The following UGT1A4 variants were observed in gnomAD, a reference collection of about 807,000 sequenced individuals.
UGT1A4 encodes the protein UDP glucuronosyltransferase family 1 member A4, also known as UDP-glucuronosyltransferase 1A4.
UGT1A4 carries 32 observed loss-of-function variants against 41.1 expected under a neutral mutation model. That is an observed-to-expected ratio of 0.78 (90% confidence interval 0.59 to 1.05). The LOEUF is 1.05. Among genes scored for constraint, UGT1A4 ranks in the 50% least tolerant of loss-of-function variants. The pLI is 0.00. For synonymous variants in UGT1A4, 283 were observed against 265.1 expected (o/e 1.07, Z -0.66); for missense variants, 748 against 677.4 (o/e 1.10, Z -1.16).
chr2:233,772,294 T>G lies in UGT1A4; in HGVS notation c.1340T>G (p.Leu447Arg). 6.2e-7 allele frequency: 1 copy of G among 1,614,228 alleles called. No individual in the cohort carries two copies. The highest frequency in any genetic ancestry group is 8.5e-7 in the Non-Finnish European group (1 of 1,180,042). The change falls in exon 5 of 5, where the codon CTT (leucine) becomes CGT (arginine). Residue 447 changes from leucine (L) to arginine (R), a missense_variant. By Grantham distance (102) the Leu-to-Arg change is moderately radical. Coordinates refer to ENST00000373409, the MANE Select transcript of UGT1A4 (RefSeq NM_007120.3). Reference protein sequence around the residue: ...YKENIMRLSSLHKDRPVEPLD... With the variant: ...YKENIMRLSSRHKDRPVEPLD... ...GAGAACATCATGCGCCTCTCCAGCC[T>G]TCACAAGGACCGCCCGGTGGAGCCG...
rs1482422312 is a variant in UGT1A4, at chr2:233,772,303, A to G, written c.1349A>G (p.Asp450Gly). 3 of 1,614,112 alleles carry G rather than the reference A, an allele frequency of 1.9e-6. No individual in the cohort carries two copies. Among genetic ancestry groups the G allele is most frequent in the Non-Finnish European group, 2.5e-6 (3 of 1,180,052 alleles). The change falls in exon 5 of 5, where the codon GAC becomes GGC. Residue 450 changes from aspartate to glycine, a missense_variant. Transcript: ENST00000373409. Reference sequence around the variant, plus strand: ...ATGCGCCTCTCCAGCCTTCACAAGGACCGCCCGGTGGAGCCGCTGGACCTG... The same window carrying G: ...ATGCGCCTCTCCAGCCTTCACAAGGGCCGCCCGGTGGAGCCGCTGGACCTG... ...NIMRLSSLHK[D>G]RPVEPLDLAV...
intron 1 of UGT1A4, among the ~76,000 whole-genome samples, chr2:233,726,081 A>G (rs1169774855): frequency 6.6e-6 from 1 of 152,170 alleles, no homozygotes; most frequent in Non-Finnish European, 1.5e-5. Flanking sequence ...CAGGAGGATT[A>G]CTTGATCCGA....
chr2:233,763,863 G>A (rs1486150283), intron 1 of UGT1A4, among the ~76,000 whole-genome samples: 2 of 152,132 alleles, frequency 1.3e-5, no homozygotes, highest in Non-Finnish European at 1.5e-5. Flanking sequence ...ACAGACAATC[G>A]CAATGCTGGG....
Position 233,720,632 on chromosome 2 carries a change from G to A in UGT1A4, c.867+945G>A, listed in dbSNP as rs527749966. 4.6e-5 allele frequency among the ~76,000 whole-genome samples: 7 copies of A among 151,594 alleles called. No homozygotes were observed. In the South Asian group the frequency reaches 1.3e-3, roughly 27 times the overall value. ...AGAATATTTGGGTTTCATTGAAATA[G>A]TACTCTGGGATGTGAAAAACCAAAT... On this transcript the variant is annotated intron_variant, in intron 1 of 4. Coordinates refer to ENST00000373409, the MANE Select transcript of UGT1A4 (RefSeq NM_007120.3).
Position 233,767,180 on chromosome 2 carries a change from T to C in UGT1A4, c.999+15T>C, listed in dbSNP as rs4148327. 1,996 of 1,614,008 alleles carry C rather than the reference T, an allele frequency of 1.2e-3. 35 individuals are homozygous for C. In the East Asian group the frequency reaches 0.04, roughly 32 times the overall value. On this transcript the variant is annotated intron_variant, in intron 2 of 4. Transcript: ENST00000373409. Reference sequence around the variant, plus strand: ...TCCCTCAGACAGTAAGAAGATTCTATACCATGGCCTCATATCTATTTTCAC... The same window carrying C: ...TCCCTCAGACAGTAAGAAGATTCTACACCATGGCCTCATATCTATTTTCAC...
chr2:233,735,509 C>A lies in UGT1A4; in HGVS notation c.867+15822C>A, dbSNP rs185084136. Among the ~76,000 whole-genome samples the A allele has an allele frequency of 5.3e-4, 81 of 152,270 alleles. No homozygotes were observed. The East Asian group carries it at 0.013, about 24-fold the overall frequency. On this transcript the variant is annotated intron_variant, in intron 1 of 4. Coordinates refer to ENST00000373409, the MANE Select transcript of UGT1A4 (RefSeq NM_007120.3). ...TTAATTGCAGCATTTAGCCCATTTA[C>A]ATTTAAGGTAAATATTGTTATGAGT...
At position 233,767,893 on chromosome 2, in the gene UGT1A4, CA is replaced by C. The variant is rs745655794; in HGVS notation, c.1046del (p.Asn349ThrfsTer18). ...TGTRPSNLAN[N>X]TILVKWLPQN... ...GAACCCGACCATCGAATCTTGCGAA[CA>C]ACACGATACTTGTTAAGTGGCTACC... On this transcript the variant is annotated frameshift_variant, in exon 3 of 5. Coordinates refer to ENST00000373409, the MANE Select transcript of UGT1A4 (RefSeq NM_007120.3). LOFTEE classifies it high-confidence loss of function. The C allele has an allele frequency of 3.1e-6, 5 of 1,614,158 alleles. No individual in the cohort carries two copies. In the South Asian group the frequency reaches 5.5e-5, roughly 18 times the overall value.
At chr2:233,743,042 G>A (rs554129345) in intron 1 of UGT1A4, 2 of 311,812 alleles carry the variant, frequency 6.4e-6, no homozygotes, top group East Asian at 8.2e-5. Flanking sequence ...GGTCCTATCC[G>A]TGTAGTCCCA....
chr2:233,754,887 T>G (rs1212362818), intron 1 of UGT1A4: 2 of 1,351,202 alleles, frequency 1.5e-6, no homozygotes, highest in Non-Finnish European at 2.0e-6. Flanking sequence ...TCCCAGGGAG[T>G]TCCTCTGACC....
chr2:233,735,492 A>G (rs997363481), intron 1 of UGT1A4, among the ~76,000 whole-genome samples: 3 of 152,118 alleles, frequency 2.0e-5, no homozygotes, highest in African/African-American at 7.2e-5. Flanking sequence ...TTTTAATTGC[A>G]GCATTTAGCC....
intron 4 of UGT1A4, chr2:233,770,700 A>G (rs1353912546): frequency 1.3e-5 from 2 of 152,056 alleles, no homozygotes; most frequent in African/African-American, 4.8e-5. Flanking sequence ...AATTCATCTT[A>G]AGGTTTATGT....
chr2:233,725,053 G>A (rs551262473), intron 1 of UGT1A4, among the ~76,000 whole-genome samples: 1,532 of 147,698 alleles, frequency 0.01, 141 homozygotes, highest in African/African-American at 0.035. Flanking sequence ...CAGGCGTGGC[G>A]GCGCGCGCCT....
intron 1 of UGT1A4, chr2:233,755,013 G>A (rs1255177181): frequency 7.7e-7 from 1 of 1,294,530 alleles, no homozygotes; most frequent in Admixed American, 1.9e-5. Flanking sequence ...CTACTCGAAG[G>A]GGTCCTTGAA....
chr2:233,743,017 T>C (rs1054805), intron 1 of UGT1A4: 1 of 239,620 alleles, frequency 4.2e-6, no homozygotes, highest in Non-Finnish European at 8.3e-6. Flanking sequence ...TTACAACGAT[T>C]GAAAGACAAA....
chr2:233,737,998 C>A (rs1690658355), intron 1 of UGT1A4, among the ~76,000 whole-genome samples: 1 of 152,106 alleles, frequency 6.6e-6, no homozygotes, highest in South Asian at 2.1e-4. Context: ...GTGTCCCCCA[C>A]CAAATCTCAT....
At chr2:233,747,365 C>A (rs954513567) in intron 1 of UGT1A4, 2 of 1,604,254 alleles carry the variant, frequency 1.2e-6, no homozygotes, top group East Asian at 4.5e-5. Context: ...TGCGGGAGCT[C>A]CATGCCAGAG....
intron 1 of UGT1A4, among the ~76,000 whole-genome samples, chr2:233,727,549 C>T (rs1232390825): frequency 6.6e-6 from 1 of 152,198 alleles, no homozygotes; most frequent in Non-Finnish European, 1.5e-5. Context: ...CACCCGTCAC[C>T]TGGGCTCATC....
At chr2:233,730,783 G>A (rs968780327) in intron 1 of UGT1A4, among the ~76,000 whole-genome samples, 1 of 152,100 alleles carries the variant, frequency 6.6e-6, no homozygotes, top group Non-Finnish European at 1.5e-5. Flanking sequence ...AGTGAAGCTG[G>A]GGACAGTGAT....
chr2:233,743,543 C>A (rs1253470461), intron 1 of UGT1A4: 2 of 1,367,070 alleles, frequency 1.5e-6, no homozygotes, highest in Admixed American at 3.8e-5. Flanking sequence ...TTCCTCTGAC[C>A]CCCCCAAAAT....
Sources: allele counts gnomAD v4.1 joint callset (sites outside exome capture counted in the v4.1 genomes callset), GRCh38; gene constraint gnomAD v4.1.1; transcripts MANE v1.5; gene names NCBI Gene and HGNC (gene_info 2026-07-23, HGNC 2026-07-21).